Variants in ATP6V0C observed in about 807,000 individuals in gnomAD.
The protein encoded by ATP6V0C is ATPase H+ transporting V0 subunit c, also known as V-type proton ATPase 16 kDa proteolipid subunit c.
A neutral mutation model predicts 10.6 loss-of-function variants in ATP6V0C; 2 were observed. The observed-to-expected ratio is 0.19, with a 90% confidence interval of 0.08 to 0.59. The LOEUF is 0.59. Ranked by LOEUF, ATP6V0C falls within the 20% of genes least tolerant of loss-of-function variation. The pLI, the probability that ATP6V0C is intolerant of heterozygous loss-of-function variation, is 0.90. For missense variants in ATP6V0C, 89 were observed against 225.9 expected (o/e 0.39, Z 3.88); for synonymous variants, 128 against 101.3 (o/e 1.26, Z -1.59).
At position 2,519,413 on chromosome 16, in the gene ATP6V0C, G is replaced by A. The variant is rs1320147213; in HGVS notation, c.263+12G>A. ...ATCAGCCTCTACAAGTGAGCACTGG[G>A]GTCAGGCCCCTGCCCAGGGCTGGAG... is the stretch of plus-strand genomic sequence containing the variant. On this transcript the variant is annotated intron_variant, in intron 2 of 2. Coordinates refer to ENST00000330398, the MANE Select transcript of ATP6V0C (RefSeq NM_001694.4). The A allele has an allele frequency of 1.2e-6, 2 of 1,607,708 alleles. No homozygotes were observed. Among genetic ancestry groups the A allele is most frequent in the Non-Finnish European group, 1.7e-6 (2 of 1,175,528 alleles).
intron 1 of ATP6V0C, among the ~76,000 whole-genome samples, chr16:2,516,481 A>G (rs1414063939): frequency 6.6e-6 from 1 of 151,984 alleles, no homozygotes; most frequent in African/African-American, 2.4e-5. Context: ...TGCTGTGCCG[A>G]CCTAAACAAG....
intron 1 of ATP6V0C, among the ~76,000 whole-genome samples, chr16:2,515,473 G>T (rs1257044007): frequency 6.6e-6 from 1 of 152,060 alleles, no homozygotes; most frequent in African/African-American, 2.4e-5. Context: ...TCTCTTGCGG[G>T]CCTCCTTCTG....
chr16:2,519,831 G>T lies in ATP6V0C; in HGVS notation c.*86G>T, dbSNP rs549148342. 7.9e-6 allele frequency: 12 copies of T among 1,520,656 alleles called. No individual in the cohort carries two copies. The highest frequency in any genetic ancestry group is 1.0e-5 in the Non-Finnish European group (11 of 1,103,542). 94.2% of individuals were successfully genotyped at this position (1,520,656 alleles called of 1,614,324 possible). ...AACGAACAGCCTGACACATACGCAC[G>T]GGGCCGCCGCCCCCAGTAGTTGGTC... On this transcript the variant is annotated 3_prime_UTR_variant, in exon 3 of 3. Coordinates refer to ENST00000330398, the MANE Select transcript of ATP6V0C (RefSeq NM_001694.4).
chr16:2,519,069 C>T (rs987126285), intron 1 of ATP6V0C, 149 bp from the exon 2 acceptor site: 1 of 941,844 alleles, frequency 1.1e-6, no homozygotes, highest in Non-Finnish European at 1.5e-6. Context: ...CCTGGGTCCT[C>T]TTGCCCTGGG....
Position 2,514,047 on chromosome 16 carries a change from C to G in ATP6V0C, c.-57C>G. The stretch of plus-strand genomic sequence containing the variant: ...AACCTTCGTGCCCGGCCCGTCCTCG[C>G]CCCCGCCTCCGCCACCGCCTCGGCC... On this transcript the variant is annotated 5_prime_UTR_variant, in exon 1 of 3. Coordinates refer to ENST00000330398, the MANE Select transcript of ATP6V0C (RefSeq NM_001694.4). 1 of 1,489,464 alleles carries G rather than the reference C, an allele frequency of 6.7e-7. No individual in the cohort carries two copies. Among genetic ancestry groups the G allele is most frequent in the Non-Finnish European group, 9.1e-7 (1 of 1,102,078 alleles). The allele number at this position is 1,489,464 out of a possible 1,614,324, so 92.3% of individuals were successfully genotyped here.
chr16:2,514,310 G>A (rs1596981962), intron 1 of ATP6V0C, 128 bp downstream of exon 1: 9 of 1,044,348 alleles, frequency 8.6e-6, no homozygotes, highest in African/African-American at 1.7e-5. Context: ...CCCGGGCCTC[G>A]TGTGACAGCG....
chr16:2,514,282 C>A (rs1393133708), intron 1 of ATP6V0C, 100 bp downstream of exon 1: 2 of 1,295,754 alleles, frequency 1.5e-6, no homozygotes, highest in Non-Finnish European at 2.0e-6. Flanking sequence ...CTGACGTAAT[C>A]CCGAGCTGTC....
At chr16:2,515,571 G>A (rs1048042356) in intron 1 of ATP6V0C, among the ~76,000 whole-genome samples, 14 of 152,162 alleles carry the variant, frequency 9.2e-5, no homozygotes, top group African/African-American at 2.9e-4. Context: ...AAGTGGTCTA[G>A]ACTTCTCCTT....
At chr16:2,515,200 T>TG (rs935261068) in intron 1 of ATP6V0C, among the ~76,000 whole-genome samples, 4 of 152,096 alleles carry the variant, frequency 2.6e-5, no homozygotes, top group Non-Finnish European at 5.9e-5. Context: ...CCTGGGAGAA[T>TG]GGCACTTGGG....
chr16:2,519,182 G>T (rs1283821322), intron 1 of ATP6V0C, 36 bp from the exon 2 acceptor site: 41 of 1,577,934 alleles, frequency 2.6e-5, no homozygotes, highest in Non-Finnish European at 3.4e-5. Context: ...ACTGGCCTGC[G>T]TACTGCTGTG....
intron 1 of ATP6V0C, among the ~76,000 whole-genome samples, chr16:2,518,477 C>T (rs1432889838): frequency 2.6e-5 from 4 of 152,176 alleles, no homozygotes; most frequent in East Asian, 1.9e-4. Context: ...GCTGAGGCCT[C>T]GTAGTTGGAC....
chr16:2,517,303 C>G (rs1000338119), intron 1 of ATP6V0C: 6 of 152,332 alleles, frequency 3.9e-5, no homozygotes, highest in African/African-American at 1.2e-4. Context: ...TGTCTGGGCA[C>G]CTCCAAGGTG....
At chr16:2,515,217 C>T (rs1338798966) in intron 1 of ATP6V0C, among the ~76,000 whole-genome samples, 1 of 152,122 alleles carries the variant, frequency 6.6e-6, no homozygotes, top group Non-Finnish European at 1.5e-5. Flanking sequence ...TGGGCTAGGG[C>T]TAGGCCCAGG....
intron 1 of ATP6V0C, among the ~76,000 whole-genome samples, chr16:2,514,679 C>T (rs1484417252): frequency 2.0e-5 from 3 of 152,170 alleles, no homozygotes; most frequent in African/African-American, 4.8e-5. Context: ...CACGGGAGGT[C>T]CTCAGCCCTC....
chr16:2,519,157 G>A (rs946673994), intron 1 of ATP6V0C, 61 bp from the exon 2 acceptor site: 8 of 1,502,174 alleles, frequency 5.3e-6, no homozygotes, highest in Admixed American at 2.1e-5. Context: ...GCTACACCTC[G>A]GGGTCCTAGT....
At chr16:2,516,800 C>T (rs1349849792) in intron 1 of ATP6V0C, 1 of 152,590 alleles carries the variant, frequency 6.6e-6, no homozygotes, top group East Asian at 1.9e-4. Context: ...TGGCCCCCCA[C>T]TCTTTCTGTG....
Position 2,519,824 on chromosome 16 carries a change from T to G in ATP6V0C, c.*79T>G. 5 of 1,550,998 alleles carry G rather than the reference T, an allele frequency of 3.2e-6. No individual in the cohort carries two copies. The highest frequency in any genetic ancestry group is 3.5e-6 in the Non-Finnish European group (4 of 1,128,958). On this transcript the variant is annotated 3_prime_UTR_variant, in exon 3 of 3. Coordinates refer to ENST00000330398, the MANE Select transcript of ATP6V0C (RefSeq NM_001694.4). ...ATTCCAGAACGAACAGCCTGACACATACGCACGGGGCCGCCGCCCCCAGTA... is the reference window on the plus strand; with the variant it reads ...ATTCCAGAACGAACAGCCTGACACAGACGCACGGGGCCGCCGCCCCCAGTA...
At chr16:2,519,022 T>G (rs1450712135) in intron 1 of ATP6V0C, 196 bp from the exon 2 acceptor site, 6 of 564,868 alleles carry the variant, frequency 1.1e-5, no homozygotes, top group Non-Finnish European at 1.8e-5. Flanking sequence ...GAGGAGTGGC[T>G]GTCCTGGCCT....
chr16:2,514,170 A>G lies in ATP6V0C; in HGVS notation c.67A>G (p.Met23Val), dbSNP rs2141888645. The G allele has an allele frequency of 6.3e-7, 1 of 1,579,076 alleles. No individual in the cohort carries two copies. The highest frequency in any genetic ancestry group is 1.4e-5 in the African/African-American group (1 of 72,504). ...CGCCGTCATGGGCGCCTCGGCCGCC[A>G]TGGTCTTCAGCGGTGAGCGCGGCGG... is the stretch of plus-strand genomic sequence containing the variant. The part of the protein sequence containing the change: ...FFAVMGASAA[M>V]VFSALGAAYG... Residue 23 changes from methionine (M) to valine (V), a missense_variant, in exon 1 of 3, where the codon ATG becomes GTG. This residue lies in a region of ATP6V0C where 26 missense variants were observed against 33.7 expected (regional missense o/e 0.77). Transcript: ENST00000330398.
Sources: gnomAD v4.1 joint callset for allele counts (sites outside exome capture counted in the v4.1 genomes callset) on GRCh38, gnomAD v4.1.1 for gene constraint, gnomAD v4.1.1 regional missense constraint, MANE v1.5 for transcripts, NCBI Gene and HGNC (gene_info 2026-07-23, HGNC 2026-07-21) for gene names.